The following CDH10 variants were observed in gnomAD, a reference collection of about 807,000 sequenced individuals.
The protein encoded by CDH10 is cadherin-10.
CDH10 carries 30 observed loss-of-function variants against 73.1 expected under a neutral mutation model. That is an observed-to-expected ratio of 0.41 (90% CI 0.31 to 0.56). The LOEUF is 0.56. Among genes scored for constraint, CDH10 ranks in the 20% least tolerant of loss-of-function variants. CDH10 has a pLI of 0.27. For synonymous variants in CDH10, 345 were observed against 348.2 expected, an observed-to-expected ratio of 0.99 and a Z score of 0.10; for missense variants, 815 against 973.7, an observed-to-expected ratio of 0.84 and a Z score of 2.17.
chr5:24,512,012 T>A (rs10942051), intron 5 of CDH10, among the ~76,000 whole-genome samples: 83,548 of 151,788 alleles, frequency 0.55, 23,367 homozygotes, highest in East Asian at 0.67. Flanking sequence ...AGGGAGAGGA[T>A]CAGAAAAACA....
chr5:24,631,881 CA>C (rs1747715753), intron 1 of CDH10, among the ~76,000 whole-genome samples: 1 of 151,864 alleles, frequency 6.6e-6, no homozygotes, highest in African/African-American at 2.4e-5. Flanking sequence ...GAGTTGGAAT[CA>C]AAAGGAAAGG....
At position 24,545,576 on chromosome 5, in the gene CDH10, AAACC is replaced by A. The variant is rs1483278879; in HGVS notation, c.232-7906_232-7903del. 3.3e-5 allele frequency among the ~76,000 whole-genome samples: 5 copies of A among 152,206 alleles called. No individual in the cohort carries two copies. The East Asian group carries it at 9.7e-4, about 29-fold the overall frequency. ...ATACCTATAATCTCGGTGCTTTGGGAAACCAAGGCAGAAGGATCTTTTGAGGCCA... is the reference window on the plus strand; with the variant it reads ...ATACCTATAATCTCGGTGCTTTGGGAAAGGCAGAAGGATCTTTTGAGGCCA... On this transcript the variant is annotated intron_variant, in intron 2 of 11. Transcript: ENST00000264463.
chr5:24,487,925 G>C lies in CDH10; in HGVS notation c.2105C>G (p.Pro702Arg), dbSNP rs1351685843. 6.2e-7 allele frequency: 1 copy of C among 1,613,832 alleles called. No individual in the cohort carries two copies. Among genetic ancestry groups the C allele is most frequent in the Non-Finnish European group, 8.5e-7 (1 of 1,179,916 alleles). ...GACGTCCGTGTTATCTGGAGCTGTA[G>C]GAGTCCTCCGAGGAATAAATAACGT... ...PETLFIPRRT[P>R]TAPDNTDVRD... is the part of the protein sequence containing the mutation. The change falls in exon 12 of 12, where the codon CCT (proline) becomes CGT (arginine). Residue 702 changes from proline (P) to arginine (R), a missense_variant. Around this residue, in one of 3 missense-constraint regions of CDH10, gnomAD observed 241 missense variants for 240.3 expected, o/e 1.00. Transcript: ENST00000264463.
At chr5:24,502,104 A>C (rs1191650047) in intron 8 of CDH10, among the ~76,000 whole-genome samples, 1 of 151,750 alleles carries the variant, frequency 6.6e-6, no homozygotes, top group Non-Finnish European at 1.5e-5. Context: ...GTATTTTTTT[A>C]GTAGAGAAGG....
chr5:24,547,340 G>C (rs375610504), intron 2 of CDH10, among the ~76,000 whole-genome samples: 16 of 152,078 alleles, frequency 1.1e-4, no homozygotes, highest in Non-Finnish European at 1.9e-4. Context: ...ATGTAAACAA[G>C]AACTGAATAA....
intron 2 of CDH10, among the ~76,000 whole-genome samples, chr5:24,574,742 T>C (rs1318577907): frequency 1.5e-5 from 1 of 65,818 alleles, no homozygotes; most frequent in African/African-American, 3.0e-5. Context: ...AGTATGACAA[T>C]TAACTTCCGA....
intron 2 of CDH10, among the ~76,000 whole-genome samples, chr5:24,556,511 T>G (rs1344046217): frequency 1.3e-5 from 2 of 151,816 alleles, no homozygotes; most frequent in African/African-American, 2.4e-5. Context: ...TTTTAAACAT[T>G]TTTTACCAGT....
At chr5:24,627,241 ATCT>A (rs1485928165) in intron 1 of CDH10, among the ~76,000 whole-genome samples, 2 of 152,174 alleles carry the variant, frequency 1.3e-5, no homozygotes, top group Admixed American at 6.5e-5. Flanking sequence ...CATAATACTA[ATCT>A]TCTCACTACT....
chr5:24,564,931 C>A (rs1745114481), intron 2 of CDH10, among the ~76,000 whole-genome samples: 1 of 152,118 alleles, frequency 6.6e-6, no homozygotes, highest in African/African-American at 2.4e-5. Flanking sequence ...TCTCACTGGG[C>A]CAGTCCATTG....
chr5:24,492,210 G>A (rs113228452), intron 10 of CDH10, among the ~76,000 whole-genome samples: 1 of 152,170 alleles, frequency 6.6e-6, no homozygotes, highest in Non-Finnish European at 1.5e-5. Flanking sequence ...GCATCTGTGC[G>A]TGTGTGCTTA....
chr5:24,495,325 C>G (rs1742228496), intron 9 of CDH10, among the ~76,000 whole-genome samples: 1 of 152,158 alleles, frequency 6.6e-6, no homozygotes, highest in Non-Finnish European at 1.5e-5. Flanking sequence ...TACATTTTAT[C>G]TCCTTAGCAA....
chr5:24,575,969 C>A (rs1437970444), intron 2 of CDH10, among the ~76,000 whole-genome samples: 3 of 151,962 alleles, frequency 2.0e-5, no homozygotes, highest in Non-Finnish European at 4.4e-5. Flanking sequence ...TAAAAACTTA[C>A]TGTTTGTTAC....
chr5:24,616,050 A>G (rs1747115963), intron 1 of CDH10, among the ~76,000 whole-genome samples: 1 of 151,990 alleles, frequency 6.6e-6, no homozygotes, highest in South Asian at 2.1e-4. Flanking sequence ...TGTTGACTGT[A>G]ATTATTTTGT....
rs148585042 is a variant in CDH10, at chr5:24,585,426, A to C, written c.231+7834T>G. ...CACACAAACATACTTTTTCTTTAAAAAACAACAACAACAACAACGGAGTTT... is the reference window on the plus strand; with the variant it reads ...CACACAAACATACTTTTTCTTTAAACAACAACAACAACAACAACGGAGTTT... On this transcript the variant is annotated intron_variant, in intron 2 of 11. Coordinates refer to ENST00000264463, the MANE Select transcript of CDH10 (RefSeq NM_006727.5). Among the ~76,000 whole-genome samples the C allele has an allele frequency of 3.3e-3, 504 of 152,110 alleles. 4 individuals carry two copies. Among genetic ancestry groups the C allele is most frequent in the African/African-American group, 0.01 (433 of 41,518 alleles).
At chr5:24,573,617 C>T (rs1389558953) in intron 2 of CDH10, among the ~76,000 whole-genome samples, 1 of 149,316 alleles carries the variant, frequency 6.7e-6, no homozygotes, top group African/African-American at 2.5e-5. Flanking sequence ...AGGAGAATGG[C>T]GTGAACCCGG....
At chr5:24,501,684 A>G (rs191322924) in intron 8 of CDH10, among the ~76,000 whole-genome samples, 1,594 of 152,256 alleles carry the variant, frequency 0.01, 15 homozygotes, top group Middle Eastern at 0.034. Context: ...GAAAAATATA[A>G]CTGTTTTACC....
chr5:24,519,144 G>A (rs1301097725), intron 5 of CDH10, among the ~76,000 whole-genome samples: 1 of 151,882 alleles, frequency 6.6e-6, no homozygotes, highest in African/African-American at 2.4e-5. Flanking sequence ...ACCTGCCTCA[G>A]CCTCCCAAAA....
intron 2 of CDH10, among the ~76,000 whole-genome samples, chr5:24,554,473 CGTGTGTGTGTGTGTGT>C (rs70965612): frequency 0.018 from 2,695 of 149,408 alleles, 98 homozygotes; most frequent in African/African-American, 0.063. Flanking sequence ...TCTCCCTATT[CGTGTGTGTGTGTGTGT>C]GTGTGTGTGT....
chr5:24,544,528 T>C (rs1253184103), intron 2 of CDH10, among the ~76,000 whole-genome samples: 1 of 152,204 alleles, frequency 6.6e-6, no homozygotes, highest in Non-Finnish European at 1.5e-5. Flanking sequence ...TCTTCACATT[T>C]GACAGGGTTC....
Sources: gnomAD v4.1 joint callset for allele counts (sites outside exome capture counted in the v4.1 genomes callset) on GRCh38, gnomAD v4.1.1 for gene constraint, gnomAD v4.1.1 regional missense constraint, MANE v1.5 for transcripts, NCBI Gene and HGNC (gene_info 2026-07-23, HGNC 2026-07-21) for gene names.